ARHGEF7: variants seen among roughly 807,000 people sequenced by gnomAD.
ARHGEF7 encodes the protein PAK-interacting exchange factor beta.
A neutral mutation model predicts 109.8 loss-of-function variants in ARHGEF7; 33 were observed. The observed-to-expected ratio is 0.30, with a 90% CI of 0.23 to 0.40. ARHGEF7 has a LOEUF of 0.40. Among genes scored for constraint, ARHGEF7 ranks in the 10% least tolerant of loss-of-function variants. The pLI is 1.00. For synonymous variants in ARHGEF7, 458 were observed against 424.6 expected (o/e 1.08, Z -0.97); for missense variants, 938 against 1,098.5 (o/e 0.85, Z 2.07).
chr13:111,206,492 G>A (rs117146448), intron 3 of ARHGEF7, among the ~76,000 whole-genome samples: 2,631 of 152,272 alleles, frequency 0.017, 42 homozygotes, highest in South Asian at 0.055. Context: ...CTGTGGCTGC[G>A]TGTTCACAGC....
intron 2 of ARHGEF7, among the ~76,000 whole-genome samples, chr13:111,193,466 C>T (rs1196773874): frequency 6.6e-6 from 1 of 152,240 alleles, no homozygotes; most frequent in South Asian, 2.1e-4. Context: ...TTTTGCACTG[C>T]GTGCAATGAC....
At chr13:111,257,587 C>G (rs1489146808) in intron 8 of ARHGEF7, among the ~76,000 whole-genome samples, 1 of 152,260 alleles carries the variant, frequency 6.6e-6, no homozygotes, top group Non-Finnish European at 1.5e-5. Flanking sequence ...TTGAACAACT[C>G]TCCACACGAA....
intron 1 of ARHGEF7, among the ~76,000 whole-genome samples, chr13:111,149,774 A>G (rs1370492715): frequency 6.6e-6 from 1 of 152,266 alleles, no homozygotes; most frequent in Non-Finnish European, 1.5e-5. Flanking sequence ...ATACATATAC[A>G]GTACTCACAT....
chr13:111,115,536 G>T lies in ARHGEF7; in HGVS notation c.10G>T (p.Ala4Ser), dbSNP rs760090113. The T allele has an allele frequency of 2.2e-6, 3 of 1,369,082 alleles. No individual in the cohort carries two copies. The highest frequency in any genetic ancestry group is 1.4e-5 in the South Asian group (1 of 72,664). The allele number at this position is 1,369,082 out of a possible 1,614,324, so 84.8% of individuals were successfully genotyped here. A position where few individuals can be genotyped will look rare whatever the true frequency, so the allele number is the denominator to read the frequency against. The change falls in exon 1 of 22, where the codon GCC (alanine) becomes TCC (serine). Residue 4 changes from alanine to serine, a missense_variant. Ala to Ser is a moderately conservative substitution (Grantham distance 99). Transcript: ENST00000646102. MNS[A>S]EQTVTWLITL... Reference sequence around the variant, plus strand: ...CTCCCGGGCCGCAGCGATGAATTCCGCCGAGCAAACCGTTACGTGGCTCAT... The same window carrying T: ...CTCCCGGGCCGCAGCGATGAATTCCTCCGAGCAAACCGTTACGTGGCTCAT...
At chr13:111,161,350 C>T (rs1048001439) in intron 2 of ARHGEF7, among the ~76,000 whole-genome samples, 4 of 152,056 alleles carry the variant, frequency 2.6e-5, no homozygotes, top group South Asian at 4.2e-4. Context: ...TTGCGGGGGA[C>T]GGTATAGGGG....
Position 111,275,573 on chromosome 13 carries a change from G to A in ARHGEF7, c.1314G>A (p.Leu438=). The A allele has an allele frequency of 6.2e-7, 1 of 1,614,122 alleles. No homozygotes were observed. Among genetic ancestry groups the A allele is most frequent in the East Asian group, 2.2e-5 (1 of 44,874 alleles). The part of the protein sequence containing the change: ...QEVRKRKELE[L]QILTEAIRNW... ...TCCGGAAGAGGAAAGAGCTTGAGCT[G>A]CAGATCCTGACGGAAGCCATCCGGA... Residue 438 remains leucine, a synonymous_variant, in exon 12 of 22, where the codon CTG becomes CTA. Coordinates refer to ENST00000646102, the MANE Select transcript of ARHGEF7 (RefSeq NM_001354046.2).
At position 111,141,347 on chromosome 13, in the gene ARHGEF7, A is replaced by C. The variant is rs190907345; in HGVS notation, c.166-12558A>C. Among the ~76,000 whole-genome samples the C allele has an allele frequency of 9.8e-4, 141 of 144,352 alleles. 1 individual carries two copies. In the East Asian group the frequency reaches 0.024, roughly 25 times the overall value. The allele number at this position is 144,352 out of a possible 152,430, so 94.7% of individuals were successfully genotyped here. The stretch of plus-strand genomic sequence containing the variant: ...ACCCCTGGCAACTGTTGATCTTTTT[A>C]CCGTCCCCATGTTTTTTTTTTTTAA... On this transcript the variant is annotated intron_variant, in intron 1 of 21. Transcript: ENST00000646102.
At chr13:111,229,452 G>C (rs2085715387) in intron 5 of ARHGEF7, among the ~76,000 whole-genome samples, 1 of 152,128 alleles carries the variant, frequency 6.6e-6, no homozygotes, top group Non-Finnish European at 1.5e-5. Flanking sequence ...AAGTTTTGCT[G>C]CGCTTCAGAT....
chr13:111,227,986 ATACT>A (rs1458944002), intron 5 of ARHGEF7, among the ~76,000 whole-genome samples: 1 of 152,202 alleles, frequency 6.6e-6, no homozygotes, highest in African/African-American at 2.4e-5. Context: ...CATTCCCCAA[ATACT>A]TACTTTGGTG....
intron 2 of ARHGEF7, among the ~76,000 whole-genome samples, chr13:111,155,675 C>G (rs1274868999): frequency 6.6e-6 from 1 of 152,136 alleles, no homozygotes. Flanking sequence ...TTATATTATC[C>G]TCTTGAAACT....
At chr13:111,279,168 C>T (rs903779253) in intron 13 of ARHGEF7, among the ~76,000 whole-genome samples, 4 of 152,324 alleles carry the variant, frequency 2.6e-5, no homozygotes, top group South Asian at 2.1e-4. Context: ...ATATGCATTA[C>T]GAATCTTGGA....
In ARHGEF7 at chr13:111,233,196, T is replaced by A; in HGVS notation, c.671-9T>A. On this transcript the variant is annotated splice_polypyrimidine_tract_variant and intron_variant, in intron 5 of 21. Transcript: ENST00000646102. ...TGATCAGTAAAACTATGTTACATTT[T>A]CATTTCAGAGAAGCCTGTGTCTCCC... 1 of 1,611,520 alleles carries A rather than the reference T, an allele frequency of 6.2e-7. No individual in the cohort carries two copies. The highest frequency in any genetic ancestry group is 8.5e-7 in the Non-Finnish European group (1 of 1,177,622).
At chr13:111,204,397 T>G (rs1407802224) in intron 2 of ARHGEF7, among the ~76,000 whole-genome samples, 1 of 152,220 alleles carries the variant, frequency 6.6e-6, no homozygotes, top group Non-Finnish European at 1.5e-5. Flanking sequence ...TTTTTCTTAA[T>G]TTTTCTGGAA....
chr13:111,206,772 T>C (rs1215407160), intron 3 of ARHGEF7, among the ~76,000 whole-genome samples: 1 of 151,784 alleles, frequency 6.6e-6, no homozygotes, highest in African/African-American at 2.4e-5. Flanking sequence ...CCATCCTGGC[T>C]AACACGGTGA....
Position 111,266,959 on chromosome 13 carries a change from G to A in ARHGEF7, c.951-589G>A. 2.2e-6 allele frequency: 1 copy of A among 453,368 alleles called. No homozygotes were observed. Among genetic ancestry groups the A allele is most frequent in the Non-Finnish European group, 4.5e-6 (1 of 224,570 alleles). The allele number at this position is 453,368 out of a possible 1,614,324, so 28.1% of individuals were successfully genotyped here. A position where few individuals can be genotyped will look rare whatever the true frequency, so the allele number is the denominator to read the frequency against. On this transcript the variant is annotated intron_variant, in intron 8 of 21. Coordinates refer to ENST00000646102, the MANE Select transcript of ARHGEF7 (RefSeq NM_001354046.2). This position sits in a 1 kb window ranked among gnomAD's most constrained non-coding sequence, Gnocchi z 4.8. The stretch of plus-strand genomic sequence containing the variant: ...CCAGGGGCCCTGATGCCCACAGCTT[G>A]TGCCGACTTGTCACCCCTCATGCAG...
At chr13:111,119,664 C>G (rs532595774) in intron 1 of ARHGEF7, among the ~76,000 whole-genome samples, 1 of 152,302 alleles carries the variant, frequency 6.6e-6, no homozygotes, top group East Asian at 1.9e-4. Flanking sequence ...CCTGGCAGCC[C>G]TAGGTGATTT....
chr13:111,153,419 G>C (rs1413168616), intron 1 of ARHGEF7, among the ~76,000 whole-genome samples: 3 of 152,098 alleles, frequency 2.0e-5, no homozygotes, highest in Non-Finnish European at 4.4e-5. Flanking sequence ...CTTGTCGGCT[G>C]CGTCCGCGGG....
intron 2 of ARHGEF7, among the ~76,000 whole-genome samples, chr13:111,178,492 T>A (rs1405754947): frequency 6.6e-6 from 1 of 152,228 alleles, no homozygotes; most frequent in East Asian, 1.9e-4. Flanking sequence ...GAATGTTCAC[T>A]CTTGCCCTTT....
intron 14 of ARHGEF7, 81 bp from the exon 15 acceptor site, chr13:111,280,457 G>A: frequency 1.3e-6 from 2 of 1,582,578 alleles, no homozygotes; most frequent in South Asian, 1.1e-5. Flanking sequence ...TTTAAGCGCT[G>A]AGTGGAATTC....
Sources: gnomAD v4.1 joint callset for allele counts (sites outside exome capture counted in the v4.1 genomes callset) on GRCh38, gnomAD v4.1.1 for gene constraint, Gnocchi (gnomAD v3.1) non-coding constraint, MANE v1.5 for transcripts, NCBI Gene and HGNC (gene_info 2026-07-23, HGNC 2026-07-21) for gene names.